The following EFCAB11 variants were observed in gnomAD, a reference collection of about 807,000 sequenced individuals.
The protein encoded by EFCAB11 is EF-hand calcium-binding domain-containing protein 11.
In EFCAB11, 14 loss-of-function variants were observed where a neutral mutation model predicts 23.0. The observed-to-expected ratio is 0.61, with a 90% CI of 0.40 to 0.95. The LOEUF (loss-of-function observed/expected upper bound fraction) is 0.95, where lower values mean the gene tolerates loss of function less well. Ranked by LOEUF, EFCAB11 falls within the 40% of genes least tolerant of loss-of-function variation. EFCAB11 has a pLI of 0.00. For synonymous variants in EFCAB11, 65 were observed against 66.6 expected, an observed-to-expected ratio of 0.98 and a Z score of 0.11; for missense variants, 198 against 195.8, an observed-to-expected ratio of 1.01 and a Z score of -0.07.
At position 89,954,622 on chromosome 14, in the gene EFCAB11, C is replaced by T. The variant is rs773488062; in HGVS notation, c.39G>A (p.Trp13Ter). The T allele has an allele frequency of 6.2e-7, 1 of 1,613,552 alleles. No individual in the cohort carries two copies. Among genetic ancestry groups the T allele is most frequent in the Non-Finnish European group, 8.5e-7 (1 of 1,179,974 alleles). Residue 13 changes from tryptophan to a stop codon, truncating the protein, a stop_gained, in exon 1 of 6, where the codon TGG (tryptophan) becomes TGA (stop). Coordinates refer to ENST00000316738, the MANE Select transcript of EFCAB11 (RefSeq NM_145231.4). LOFTEE classifies it high-confidence loss of function. ...TCCTGTGTTCCGAGGGACTGGCTTC[C>T]CACGTCCGCGACCTGGCTCTGGCCT... ...FSEARARSRT[W>*]EASPSEHRKW...
chr14:89,917,770 A>G (rs1208172698), intron 5 of EFCAB11, among the ~76,000 whole-genome samples: 1 of 152,252 alleles, frequency 6.6e-6, no homozygotes, highest in Non-Finnish European at 1.5e-5. Context: ...AATAATAATA[A>G]TTGCGAATTA....
chr14:89,822,748 G>A (rs1366598787), intron 5 of EFCAB11, among the ~76,000 whole-genome samples: 2 of 152,182 alleles, frequency 1.3e-5, no homozygotes, highest in Non-Finnish European at 2.9e-5. Flanking sequence ...TGACTACTGA[G>A]AGTGGAGACC....
rs146393568 is a variant in EFCAB11 at position 89,847,756 on chromosome 14, AAAAG to A, written c.411-50436_411-50433del. On this transcript the variant is annotated intron_variant, in intron 5 of 5. Transcript: ENST00000316738. ...CTCTGTCTCACAAAAAAAAAAAAAA[AAAAG>A]AAAGAAAGAAAGAAAGAAAAAAAAG... 8.4e-3 allele frequency among the ~76,000 whole-genome samples: 1,175 copies of A among 139,296 alleles called. 133 individuals carry two copies. The highest frequency in any genetic ancestry group is 0.018 in the Middle Eastern group (5 of 280). 91.4% of individuals were successfully genotyped at this position (139,296 alleles called of 152,430 possible).
At chr14:89,817,789 T>C (rs1886380889) in intron 5 of EFCAB11, among the ~76,000 whole-genome samples, 1 of 152,048 alleles carries the variant, frequency 6.6e-6, no homozygotes, top group South Asian at 2.1e-4. Flanking sequence ...AGGTCAGGAA[T>C]TCGAGACCAG....
chr14:89,834,846 C>T (rs1887019363), intron 5 of EFCAB11, among the ~76,000 whole-genome samples: 2 of 152,080 alleles, frequency 1.3e-5, no homozygotes, highest in Non-Finnish European at 2.9e-5. Flanking sequence ...CAGTTAGGAC[C>T]AGAGGAAGTA....
intron 5 of EFCAB11, chr14:89,848,968 G>T (rs1323189846): frequency 2.6e-5 from 4 of 152,128 alleles, no homozygotes; most frequent in Non-Finnish European, 5.9e-5. Flanking sequence ...AAGCATTCTG[G>T]TTGAAAAGGA....
intron 5 of EFCAB11, among the ~76,000 whole-genome samples, chr14:89,821,744 C>T (rs551137516): frequency 2.0e-5 from 3 of 152,254 alleles, no homozygotes; most frequent in South Asian, 4.1e-4. Context: ...GAGAACCTAA[C>T]CTATTTCACA....
In EFCAB11 at chr14:89,863,713, T is replaced by C. The variant is rs563191355; in HGVS notation, c.411-66389A>G. ...ATGTTTGTTGAGCATATGCTCATTTTATGTTCATATATCTGTGAATATTAA... is the reference window on the plus strand; with the variant it reads ...ATGTTTGTTGAGCATATGCTCATTTCATGTTCATATATCTGTGAATATTAA... On this transcript the variant is annotated intron_variant, in intron 5 of 5. Coordinates refer to ENST00000316738, the MANE Select transcript of EFCAB11 (RefSeq NM_145231.4). Among the ~76,000 whole-genome samples the C allele has an allele frequency of 1.1e-4, 17 of 152,360 alleles. No homozygotes were observed. The East Asian group carries it at 3.1e-3, about 28-fold the overall frequency.
intron 5 of EFCAB11, among the ~76,000 whole-genome samples, chr14:89,814,029 T>A (rs1264279071): frequency 6.7e-6 from 1 of 149,990 alleles, no homozygotes; most frequent in Admixed American, 6.6e-5. Flanking sequence ...AATAAATATA[T>A]CCCCATATGG....
chr14:89,836,886 G>T (rs1887100872), intron 5 of EFCAB11: 4 of 379,304 alleles, frequency 1.1e-5, no homozygotes, highest in Admixed American at 3.5e-5. Flanking sequence ...GGCTGTGATG[G>T]CGCACGTCTA....
intron 5 of EFCAB11, among the ~76,000 whole-genome samples, chr14:89,856,192 C>CTTT (rs71107567): frequency 1.4e-4 from 19 of 136,436 alleles, no homozygotes; most frequent in Non-Finnish European, 1.5e-4. Context: ...CTCTCTCTCT[C>CTTT]TTTTTTTTTT....
intron 5 of EFCAB11, among the ~76,000 whole-genome samples, chr14:89,806,609 G>A (rs767815568): frequency 3.3e-5 from 5 of 152,108 alleles, no homozygotes; most frequent in African/African-American, 4.8e-5. Context: ...CCCCCATGCC[G>A]TAAATATGCA....
intron 5 of EFCAB11, 137 bp downstream of exon 5, chr14:89,931,404 C>G: frequency 1.3e-6 from 1 of 785,670 alleles, no homozygotes; most frequent in East Asian, 2.5e-5. Context: ...CCCTCCTGGA[C>G]CATGACACTA....
intron 5 of EFCAB11, among the ~76,000 whole-genome samples, chr14:89,889,238 T>C (rs1888888146): frequency 6.6e-6 from 1 of 152,230 alleles, no homozygotes. Flanking sequence ...ATGGAACATC[T>C]TATTCATGAG....
At chr14:89,821,330 C>T (rs1343324884) in intron 5 of EFCAB11, among the ~76,000 whole-genome samples, 3 of 152,170 alleles carry the variant, frequency 2.0e-5, no homozygotes, top group East Asian at 3.8e-4. Flanking sequence ...AGTCTCCAGC[C>T]GGCAGCCTTC....
intron 5 of EFCAB11, among the ~76,000 whole-genome samples, chr14:89,920,203 T>A (rs540963759): frequency 6.6e-6 from 1 of 152,364 alleles, no homozygotes; most frequent in African/African-American, 2.4e-5. Context: ...TGGATATAAA[T>A]GTTGCATCAG....
intron 5 of EFCAB11, chr14:89,833,166 C>A (rs1321448708): frequency 6.6e-6 from 1 of 150,832 alleles, no homozygotes; most frequent in Admixed American, 6.6e-5. Flanking sequence ...TCTGGACCGA[C>A]AAGAGTTTTC....
intron 5 of EFCAB11, among the ~76,000 whole-genome samples, chr14:89,820,329 A>G (rs1229952644): frequency 3.3e-5 from 5 of 152,128 alleles, no homozygotes; most frequent in Non-Finnish European, 5.9e-5. Flanking sequence ...CAAAGAGACA[A>G]AGAAACTTAA....
At chr14:89,881,466 T>TATATATATATATATTTATATATATATA (rs10524743) in intron 5 of EFCAB11, among the ~76,000 whole-genome samples, 1 of 122,204 alleles carries the variant, frequency 8.2e-6, no homozygotes, top group African/African-American at 3.0e-5. Context: ...TATATATATA[T>TATATATATATATATTTATATATATATA]TCTTTTTTTT....
Sources: gnomAD v4.1 joint callset for allele counts (sites outside exome capture counted in the v4.1 genomes callset) on GRCh38, gnomAD v4.1.1 for gene constraint, MANE v1.5 for transcripts, NCBI Gene and HGNC (gene_info 2026-07-23, HGNC 2026-07-21) for gene names.